The following FALEC variants were observed in gnomAD, a reference collection of about 807,000 sequenced individuals.
FALEC encodes focally amplified lncRNA regulator of ECM1.
the FALEC span, among the ~76,000 whole-genome samples, chr1:150,524,995 GAAAAAA>G: frequency 1.3e-4 from 13 of 98,314 alleles, no homozygotes; most frequent in East Asian, 9.8e-4. Context: ...ACCCTGTCTT[GAAAAAA>G]AAAAAAAAAA....
At chr1:150,517,296 CAA>C (rs34702640) in intron 1 of FALEC, among the ~76,000 whole-genome samples, 3,829 of 93,114 alleles carry the variant, frequency 0.041, 154 homozygotes, top group African/African-American at 0.15. Flanking sequence ...GACTCCGTCT[CAA>C]AAAAAAAAAA....
the FALEC span, among the ~76,000 whole-genome samples, chr1:150,535,470 G>A: frequency 2.6e-5 from 4 of 152,294 alleles, no homozygotes; most frequent in East Asian, 3.9e-4. Flanking sequence ...TCTCGAACTC[G>A]TGAGCTCATG....
At chr1:150,517,531 G>C (rs770933444) in intron 1 of FALEC, among the ~76,000 whole-genome samples, 21 of 152,066 alleles carry the variant, frequency 1.4e-4, no homozygotes, top group Non-Finnish European at 2.5e-4. Context: ...GCCTTTGGGA[G>C]GTAATTAGGT....
the FALEC span, among the ~76,000 whole-genome samples, chr1:150,528,027 A>T: frequency 6.6e-6 from 1 of 152,086 alleles, no homozygotes; most frequent in Non-Finnish European, 1.5e-5. Context: ...TATGGAAGAA[A>T]TCATGATTGG....
downstream of FALEC, among the ~76,000 whole-genome samples, chr1:150,521,923 T>C (rs1670648049): frequency 6.6e-6 from 1 of 152,186 alleles, no homozygotes; most frequent in Admixed American, 6.5e-5. Context: ...AGGAACAGTA[T>C]ATACAGATTC....
At chr1:150,529,600 ATT>A in the FALEC span, among the ~76,000 whole-genome samples, 59 of 142,564 alleles carry the variant, frequency 4.1e-4, no homozygotes, top group African/African-American at 1.1e-3. Flanking sequence ...GGGATCTGTG[ATT>A]TTTTTTTTTT....
downstream of FALEC, among the ~76,000 whole-genome samples, chr1:150,521,462 A>G (rs1302714972): frequency 6.6e-6 from 1 of 152,216 alleles, no homozygotes; most frequent in Non-Finnish European, 1.5e-5. Context: ...TTCTGTGTTT[A>G]TAAATGAGGT....
At chr1:150,533,374 C>T in the FALEC span, among the ~76,000 whole-genome samples, 4 of 150,180 alleles carry the variant, frequency 2.7e-5, no homozygotes, top group South Asian at 2.1e-4. Context: ...GTGGAAACTC[C>T]GAAACTCTAT....
downstream of FALEC, among the ~76,000 whole-genome samples, chr1:150,520,826 T>C (rs1315874650): frequency 7.2e-6 from 1 of 138,608 alleles, no homozygotes; most frequent in Non-Finnish European, 1.5e-5. Flanking sequence ...AGGGTTTTGC[T>C]CTTGTTGCCC....
At chr1:150,523,908 A>G in the FALEC span, among the ~76,000 whole-genome samples, 3 of 152,160 alleles carry the variant, frequency 2.0e-5, no homozygotes, top group Non-Finnish European at 4.4e-5. Flanking sequence ...ATGCGATTTG[A>G]CAACAGAAGA....
the FALEC span, among the ~76,000 whole-genome samples, chr1:150,531,497 C>A: frequency 1.3e-5 from 2 of 151,976 alleles, no homozygotes; most frequent in East Asian, 3.9e-4. Context: ...AAATACAACT[C>A]TCACCCACAG....
At chr1:150,526,349 CAAAAAAAAA>C in the FALEC span, among the ~76,000 whole-genome samples, 3 of 61,832 alleles carry the variant, frequency 4.9e-5, no homozygotes, top group Non-Finnish European at 9.7e-5. Flanking sequence ...AACTCCGTCT[CAAAAAAAAA>C]AAAAAAAAAA....
downstream of FALEC, among the ~76,000 whole-genome samples, chr1:150,519,512 G>A (rs1195409995): frequency 6.6e-6 from 1 of 151,858 alleles, no homozygotes; most frequent in Non-Finnish European, 1.5e-5. Flanking sequence ...CCTGAGGTGG[G>A]GCGTTTGAGA....
chr1:150,532,711 C>A, the FALEC span, among the ~76,000 whole-genome samples: 1 of 151,816 alleles, frequency 6.6e-6, no homozygotes, highest in Admixed American at 6.6e-5. Flanking sequence ...AGATGACAGG[C>A]AAGGCCACTG....
chr1:150,525,668 TAC>T, the FALEC span, among the ~76,000 whole-genome samples: 1 of 152,198 alleles, frequency 6.6e-6, no homozygotes, highest in African/African-American at 2.4e-5. Context: ...AATGCAGTGG[TAC>T]AGTTACAGCT....
At chr1:150,518,261 A>G (rs587709595), downstream of FALEC, among the ~76,000 whole-genome samples, 2 of 152,264 alleles carry the variant, frequency 1.3e-5, no homozygotes, top group South Asian at 2.1e-4. Flanking sequence ...CCCTATTTCA[A>G]TAAATAGAAC....
chr1:150,522,892 TATATATATATACATATATATAC>T (rs1560270687), downstream of FALEC, among the ~76,000 whole-genome samples: 15 of 73,816 alleles, frequency 2.0e-4, no homozygotes, highest in African/African-American at 7.7e-4. Flanking sequence ...TATATACGTA[TATATATATATACATATATATAC>T]ATATATATAT....
chr1:150,532,736 G>T, the FALEC span, among the ~76,000 whole-genome samples: 107 of 151,482 alleles, frequency 7.1e-4, no homozygotes, highest in Non-Finnish European at 9.7e-4. Context: ...CGTGGAGCTC[G>T]CCCCCTAACG....
At chr1:150,518,363 C>T (rs985707550), downstream of FALEC, among the ~76,000 whole-genome samples, 2 of 149,622 alleles carry the variant, frequency 1.3e-5, no homozygotes, top group Admixed American at 6.7e-5. Flanking sequence ...TCCTTGTAGT[C>T]TAATCAGTCG....
Sources: allele counts gnomAD v4.1 joint callset (sites outside exome capture counted in the v4.1 genomes callset), GRCh38; gene constraint gnomAD v4.1.1; transcripts MANE v1.5; gene names NCBI Gene and HGNC (gene_info 2026-07-23, HGNC 2026-07-21).